PRKCI: variants seen among roughly 807,000 people sequenced by gnomAD.
The protein encoded by PRKCI is protein kinase C iota type.
A neutral mutation model predicts 84.0 loss-of-function variants in PRKCI; 43 were observed. That is an observed-to-expected ratio of 0.51 (90% CI 0.40 to 0.66). The LOEUF (loss-of-function observed/expected upper bound fraction) is 0.66. Among genes scored for constraint, PRKCI ranks in the 30% least tolerant of loss-of-function variants. The pLI, the probability that PRKCI is intolerant of heterozygous loss-of-function variation, is 0.00. For synonymous variants in PRKCI, 216 were observed against 234.4 expected, an observed-to-expected ratio of 0.92 and a Z score of 0.72; for missense variants, 459 against 745.6, an observed-to-expected ratio of 0.62 and a Z score of 4.48.
chr3:170,224,375 T>C (rs1293321355), intron 1 of PRKCI, among the ~76,000 whole-genome samples: 4 of 152,008 alleles, frequency 2.6e-5, no homozygotes, highest in Non-Finnish European at 5.9e-5. Flanking sequence ...TTTTTTAAAG[T>C]TTGTAGTTGT....
At chr3:170,290,657 T>G (rs1051976396) in intron 12 of PRKCI, among the ~76,000 whole-genome samples, 1 of 152,206 alleles carries the variant, frequency 6.6e-6, no homozygotes, top group African/African-American at 2.4e-5. Context: ...CCTATTATGA[T>G]TGGAGATTGT....
intron 14 of PRKCI, among the ~76,000 whole-genome samples, chr3:170,294,488 G>A (rs895828170): frequency 6.6e-6 from 1 of 152,098 alleles, no homozygotes; most frequent in Non-Finnish European, 1.5e-5. Flanking sequence ...ATTTCATATC[G>A]GTACATTTGA....
intron 2 of PRKCI, among the ~76,000 whole-genome samples, chr3:170,236,984 T>C (rs982322406): frequency 1.3e-5 from 2 of 151,898 alleles, no homozygotes; most frequent in African/African-American, 4.8e-5. Context: ...GTGTAACAAA[T>C]GTGATAAATT....
chr3:170,285,766 A>T (rs1296446115), intron 12 of PRKCI, among the ~76,000 whole-genome samples: 3 of 149,640 alleles, frequency 2.0e-5, no homozygotes, highest in African/African-American at 7.4e-5. Flanking sequence ...TTTTTTGGAG[A>T]CAGAGTCTCG....
At chr3:170,293,537 CTG>C in intron 14 of PRKCI, 29 bp downstream of exon 14, 3 of 1,603,494 alleles carry the variant, frequency 1.9e-6, no homozygotes, top group Non-Finnish European at 2.6e-6. Context: ...CAGAGATTCT[CTG>C]AGAAAAACCT....
intron 2 of PRKCI, among the ~76,000 whole-genome samples, chr3:170,254,762 C>T (rs1370253964): frequency 6.6e-6 from 1 of 152,154 alleles, no homozygotes; most frequent in East Asian, 1.9e-4. Context: ...AATGTGATCC[C>T]TCCAGTTTTG....
chr3:170,299,671 A>G (rs1258308459), intron 17 of PRKCI, among the ~76,000 whole-genome samples: 2 of 152,218 alleles, frequency 1.3e-5, no homozygotes, highest in East Asian at 3.8e-4. Context: ...AGTTACTGTC[A>G]TCTTCGTTTT....
intron 12 of PRKCI, among the ~76,000 whole-genome samples, chr3:170,288,240 C>T (rs71306665): frequency 0.017 from 2,475 of 149,432 alleles, 32 homozygotes; most frequent in Non-Finnish European, 0.024. Flanking sequence ...AGTGAGACTA[C>T]GTCTCAAAAA....
chr3:170,228,870 C>T (rs1161667071), intron 1 of PRKCI, among the ~76,000 whole-genome samples: 3 of 152,022 alleles, frequency 2.0e-5, no homozygotes, highest in African/African-American at 7.2e-5. Context: ...TTTCAACCCT[C>T]ACCCCCCTCC....
chr3:170,232,887 A>G (rs1732838052), intron 1 of PRKCI, among the ~76,000 whole-genome samples: 1 of 152,080 alleles, frequency 6.6e-6, no homozygotes, highest in African/African-American at 2.4e-5. Flanking sequence ...TCCCCTTACT[A>G]CATTGACAGG....
At chr3:170,295,703 G>A (rs1577376624) in intron 14 of PRKCI, among the ~76,000 whole-genome samples, 1 of 150,732 alleles carries the variant, frequency 6.6e-6, no homozygotes, top group African/African-American at 2.4e-5. Context: ...AAATTTAGCC[G>A]AGCGTGATGG....
Position 170,226,456 on chromosome 3 carries a change from A to T in PRKCI, c.101+3686A>T, listed in dbSNP as rs1283783067. The stretch of plus-strand genomic sequence containing the variant: ...TTATCCTTATATAAAATTACTTGCT[A>T]TTATGGGATAGACTTTAACAAGGCA... On this transcript the variant is annotated intron_variant, in intron 1 of 17. Transcript: ENST00000295797. Among the ~76,000 whole-genome samples the T allele has an allele frequency of 5.3e-5, 8 of 152,314 alleles. No individual in the cohort carries two copies. The East Asian group carries it at 1.5e-3, about 29-fold the overall frequency.
rs758374600 is a variant in PRKCI, at chr3:170,270,418, C to T, written c.451-3C>T. On this transcript the variant is annotated splice_polypyrimidine_tract_variant and splice_region_variant and intron_variant, in intron 5 of 17. Coordinates refer to ENST00000295797, the MANE Select transcript of PRKCI (RefSeq NM_002740.6). ...TAAAATATTGTTGAATTACTCTTTT[C>T]AGCGTGCTCACTGTGCCATCTGCAC... The T allele has an allele frequency of 8.5e-5, 135 of 1,594,054 alleles. 1 individual carries two copies. The Middle Eastern group carries it at 2.3e-3, about 27-fold the overall frequency.
chr3:170,256,564 A>AT (rs1439518849), intron 2 of PRKCI, among the ~76,000 whole-genome samples: 1 of 151,882 alleles, frequency 6.6e-6, no homozygotes, highest in Non-Finnish European at 1.5e-5. Flanking sequence ...TGTATCTTTT[A>AT]TTTTTAGTCC....
intron 2 of PRKCI, among the ~76,000 whole-genome samples, chr3:170,243,658 G>A (rs1733192983): frequency 6.6e-6 from 1 of 152,226 alleles, no homozygotes; most frequent in Admixed American, 6.5e-5. Context: ...ATGGTTTTTA[G>A]TAAGGAATTC....
intron 10 of PRKCI, 84 bp from the exon 11 acceptor site, chr3:170,281,798 C>G: frequency 2.0e-6 from 3 of 1,485,508 alleles, no homozygotes; most frequent in Middle Eastern, 2.2e-4. Context: ...AGAGAATGCT[C>G]TCTGTTGTGA....
chr3:170,226,834 C>A (rs947104861), intron 1 of PRKCI, among the ~76,000 whole-genome samples: 2 of 152,028 alleles, frequency 1.3e-5, no homozygotes, highest in Non-Finnish European at 2.9e-5. Context: ...AGCCATGGCA[C>A]CTAATCCTAG....
intron 3 of PRKCI, among the ~76,000 whole-genome samples, chr3:170,261,545 A>G (rs1372528968): frequency 6.6e-6 from 1 of 151,336 alleles, no homozygotes; most frequent in Non-Finnish European, 1.5e-5. Context: ...GGGCAGTGGC[A>G]CAGTCTCAAC....
In PRKCI at chr3:170,242,427, T is replaced by G. The variant is rs1733157855; in HGVS notation, c.223+7076T>G. Among the ~76,000 whole-genome samples the G allele has an allele frequency of 2.0e-5, 3 of 147,584 alleles. No homozygotes were observed. The South Asian group carries it at 6.3e-4, about 31-fold the overall frequency. On this transcript the variant is annotated intron_variant, in intron 2 of 17. Coordinates refer to ENST00000295797, the MANE Select transcript of PRKCI (RefSeq NM_002740.6). ...CTGCACTCTAGCCTGGACCACAGAG[T>G]GAGACCCCATCTCAAAAGAAAAAAG... is the stretch of plus-strand genomic sequence containing the variant.
Sources: allele counts gnomAD v4.1 joint callset (sites outside exome capture counted in the v4.1 genomes callset), GRCh38; gene constraint gnomAD v4.1.1; transcripts MANE v1.5; gene names NCBI Gene and HGNC (gene_info 2026-07-23, HGNC 2026-07-21).